Variants in NRXN3 observed in about 807,000 individuals in gnomAD.
The protein encoded by NRXN3 is neurexin 3.
A neutral mutation model predicts 137.6 loss-of-function variants in NRXN3; 32 were observed. The ratio of observed to expected loss-of-function variants is 0.23; its 90% CI spans 0.18 to 0.31. The LOEUF (loss-of-function observed/expected upper bound fraction) is 0.31. NRXN3 is among the 10% of genes least tolerant of loss of function. The pLI is 1.00. For missense variants in NRXN3, 1,574 were observed against 2,062.5 expected (o/e 0.76, Z 4.59); for synonymous variants, 798 against 784.5 (o/e 1.02, Z -0.29).
intron 8 of NRXN3, among the ~76,000 whole-genome samples, chr14:78,783,689 TAA>T (rs1555493050): frequency 6.6e-6 from 1 of 152,028 alleles, no homozygotes; most frequent in Non-Finnish European, 1.5e-5. Context: ...TTAAAACAAT[TAA>T]AAAATGAGCA....
At chr14:79,626,407 CTT>C (rs1308848922) in intron 16 of NRXN3, among the ~76,000 whole-genome samples, 9 of 141,090 alleles carry the variant, frequency 6.4e-5, no homozygotes, top group Admixed American at 1.4e-4. Context: ...TAGTCATTTT[CTT>C]TTTTTTTTTT....
Position 78,570,748 on chromosome 14 carries a change from A to G in NRXN3, c.758-74372A>G, listed in dbSNP as rs115262849. On this transcript the variant is annotated intron_variant, in intron 4 of 20. Coordinates refer to ENST00000335750, the MANE Select transcript of NRXN3 (RefSeq NM_001330195.2). ...TCTGAGAGACAGGCAGACAAAGCGT[A>G]ATTTACAATTTGATTAAGTGATTGC... Among the ~76,000 whole-genome samples the G allele has an allele frequency of 3.1e-3, 466 of 152,310 alleles. 4 individuals carry two copies. The highest frequency in any genetic ancestry group is 0.011 in the African/African-American group (439 of 41,560).
intron 10 of NRXN3, among the ~76,000 whole-genome samples, chr14:78,866,167 G>A (rs1010691973): frequency 6.6e-6 from 1 of 152,030 alleles, no homozygotes; most frequent in African/African-American, 2.4e-5. Context: ...TTTTAAAGTC[G>A]AGATTAGATT....
At chr14:78,727,407 GGT>G (rs1235199838) in intron 8 of NRXN3, among the ~76,000 whole-genome samples, 1 of 152,188 alleles carries the variant, frequency 6.6e-6, no homozygotes, top group African/African-American at 2.4e-5. Context: ...GTACATTTAT[GGT>G]GGTGGTGGGG....
intron 8 of NRXN3, among the ~76,000 whole-genome samples, chr14:78,797,958 C>G (rs1275641660): frequency 1.3e-5 from 2 of 152,104 alleles, no homozygotes; most frequent in Non-Finnish European, 2.9e-5. Flanking sequence ...CCACCAGGTC[C>G]CTCCCACAGA....
chr14:78,309,729 A>C (rs1199054022), intron 4 of NRXN3, among the ~76,000 whole-genome samples: 3 of 152,110 alleles, frequency 2.0e-5, no homozygotes, highest in Non-Finnish European at 4.4e-5. Flanking sequence ...TATGATTTTC[A>C]TTTTGGATGA....
At chr14:78,483,488 A>G (rs1003987102) in intron 4 of NRXN3, among the ~76,000 whole-genome samples, 1 of 152,186 alleles carries the variant, frequency 6.6e-6, no homozygotes. Context: ...CAACAAATCA[A>G]CTACTAATAA....
chr14:79,716,077 G>A (rs1484158752), intron 19 of NRXN3, among the ~76,000 whole-genome samples: 1 of 152,172 alleles, frequency 6.6e-6, no homozygotes, highest in Non-Finnish European at 1.5e-5. Flanking sequence ...CATGACAAAG[G>A]GGTGTGGGAC....
At chr14:79,175,006 A>G (rs1295150526) in intron 15 of NRXN3, among the ~76,000 whole-genome samples, 1 of 137,724 alleles carries the variant, frequency 7.3e-6, no homozygotes, top group Non-Finnish European at 1.5e-5. Context: ...TCTGAGGCGG[A>G]GTCTCTCTCT....
chr14:79,293,744 A>T (rs538589035), intron 15 of NRXN3, among the ~76,000 whole-genome samples: 25 of 152,182 alleles, frequency 1.6e-4, no homozygotes, highest in Non-Finnish European at 3.1e-4. Flanking sequence ...AGCAGCTCCC[A>T]CTCCGTGTCA....
chr14:79,287,598 T>G (rs926003151), intron 15 of NRXN3, among the ~76,000 whole-genome samples: 1 of 151,956 alleles, frequency 6.6e-6, no homozygotes, highest in Non-Finnish European at 1.5e-5. Flanking sequence ...TTTCTTAGGC[T>G]TACTAGGGCT....
intron 10 of NRXN3, among the ~76,000 whole-genome samples, chr14:78,838,324 C>T (rs1026118572): frequency 6.6e-6 from 1 of 152,066 alleles, no homozygotes; most frequent in Non-Finnish European, 1.5e-5. Flanking sequence ...AAAATATTAC[C>T]TCGTTCTTGT....
chr14:79,264,554 GT>G (rs2078155376), intron 15 of NRXN3, among the ~76,000 whole-genome samples: 1 of 151,774 alleles, frequency 6.6e-6, no homozygotes, highest in Non-Finnish European at 1.5e-5. Context: ...GTGTGTGTGT[GT>G]GTGCGCGCGT....
chr14:78,284,324 CT>C (rs1424737109), intron 3 of NRXN3, among the ~76,000 whole-genome samples: 1 of 152,158 alleles, frequency 6.6e-6, no homozygotes, highest in East Asian at 1.9e-4. Flanking sequence ...CTCTTCTTGC[CT>C]TTGCTTCAAG....
chr14:79,493,188 C>A (rs2096733811), intron 16 of NRXN3, among the ~76,000 whole-genome samples: 1 of 152,150 alleles, frequency 6.6e-6, no homozygotes, highest in African/African-American at 2.4e-5. Flanking sequence ...CAGATCAATA[C>A]CACACAAAAC....
rs576317907 is a variant in NRXN3 at position 78,610,721 on chromosome 14, T to C, written c.758-34399T>C. Reference sequence around the variant, plus strand: ...TGGAGATTGAGAGATCCAAAGCCATTCTCTAAGGTTGACACCAAGGTGCAG... The same window carrying C: ...TGGAGATTGAGAGATCCAAAGCCATCCTCTAAGGTTGACACCAAGGTGCAG... On this transcript the variant is annotated intron_variant, in intron 4 of 20. Transcript: ENST00000335750. Among the ~76,000 whole-genome samples the C allele has an allele frequency of 2.0e-5, 3 of 152,302 alleles. No individual in the cohort carries two copies. In the East Asian group the frequency reaches 5.8e-4, roughly 29 times the overall value.
At chr14:79,755,055 G>C (rs1169794401) in intron 19 of NRXN3, among the ~76,000 whole-genome samples, 1 of 152,006 alleles carries the variant, frequency 6.6e-6, no homozygotes, top group Non-Finnish European at 1.5e-5. Context: ...TATCTTTATA[G>C]AAGTGTGAGA....
intron 4 of NRXN3, among the ~76,000 whole-genome samples, chr14:78,518,234 G>A (rs890768048): frequency 7.9e-5 from 12 of 152,162 alleles, no homozygotes; most frequent in African/African-American, 2.4e-4. Flanking sequence ...GTACCCAAAT[G>A]TGATGCCCAC....
chr14:78,703,342 T>A (rs2098309716), intron 6 of NRXN3, among the ~76,000 whole-genome samples: 1 of 151,928 alleles, frequency 6.6e-6, no homozygotes, highest in Non-Finnish European at 1.5e-5. Flanking sequence ...AGAAGGGAAG[T>A]GGGGCAGAGA....
Sources: gnomAD v4.1 joint callset for allele counts (sites outside exome capture counted in the v4.1 genomes callset) on GRCh38, gnomAD v4.1.1 for gene constraint, MANE v1.5 for transcripts, NCBI Gene and HGNC (gene_info 2026-07-23, HGNC 2026-07-21) for gene names.